SAMMSON: variants seen among roughly 807,000 people sequenced by gnomAD.
SAMMSON encodes long intergenic non-protein coding RNA 1212.
intron 7 of SAMMSON, among the ~76,000 whole-genome samples, chr3:70,295,361 G>A (rs1322730675): frequency 6.6e-6 from 1 of 152,126 alleles, no homozygotes; most frequent in East Asian, 1.9e-4. Flanking sequence ...AGGTATGTGT[G>A]ATTCCAAAAA....
At chr3:70,024,179 C>T (rs1198324090) in intron 3 of SAMMSON, among the ~76,000 whole-genome samples, 9 of 152,162 alleles carry the variant, frequency 5.9e-5, no homozygotes, top group Admixed American at 5.9e-4. Context: ...TCTCACATTT[C>T]TTTTATATTC....
At chr3:70,200,116 G>A (rs1355340232) in intron 4 of SAMMSON, among the ~76,000 whole-genome samples, 2 of 151,970 alleles carry the variant, frequency 1.3e-5, no homozygotes, top group Non-Finnish European at 2.9e-5. Flanking sequence ...CCTCAAATTC[G>A]TATTCGAAAT....
chr3:70,265,258 G>C (rs1488838847), intron 6 of SAMMSON, among the ~76,000 whole-genome samples: 1 of 152,146 alleles, frequency 6.6e-6, no homozygotes, highest in Non-Finnish European at 1.5e-5. Flanking sequence ...TGAGATATAG[G>C]GGATTGAAAG....
chr3:70,121,860 A>C (rs1257540378), intron 4 of SAMMSON, among the ~76,000 whole-genome samples: 1 of 151,982 alleles, frequency 6.6e-6, no homozygotes, highest in Admixed American at 6.6e-5. Flanking sequence ...GCATTCTCCC[A>C]TTTGAAAGTG....
chr3:70,014,635 A>C (rs2107578331), intron 3 of SAMMSON: 1 of 152,318 alleles, frequency 6.6e-6, no homozygotes, highest in East Asian at 1.9e-4. Context: ...ATGGAATTTC[A>C]AAAGGGGCCA....
intron 3 of SAMMSON, among the ~76,000 whole-genome samples, chr3:70,041,074 C>A (rs2067104683): frequency 6.6e-6 from 1 of 152,064 alleles, no homozygotes; most frequent in Admixed American, 6.6e-5. Flanking sequence ...AAAAGTAAGG[C>A]TCAGTTTTGG....
intron 6 of SAMMSON, among the ~76,000 whole-genome samples, chr3:70,272,842 T>G (rs891664076): frequency 5.3e-5 from 8 of 152,170 alleles, no homozygotes; most frequent in African/African-American, 1.9e-4. Context: ...GGCAAGACTT[T>G]GGGAAGGAAG....
At chr3:70,400,535 C>A (rs1479029099) in intron 2 of SAMMSON, among the ~76,000 whole-genome samples, 3 of 152,172 alleles carry the variant, frequency 2.0e-5, no homozygotes, top group Non-Finnish European at 4.4e-5. Flanking sequence ...TGTGAACCAT[C>A]CAGAATCATG....
intron 7 of SAMMSON, among the ~76,000 whole-genome samples, chr3:70,335,038 T>C (rs1358213682): frequency 1.5e-5 from 2 of 136,708 alleles, no homozygotes; most frequent in African/African-American, 2.7e-5. Context: ...ATCGCAACCC[T>C]CACCCATAAA....
At chr3:70,394,421 C>T (rs1053808727), downstream of SAMMSON, among the ~76,000 whole-genome samples, 1 of 152,058 alleles carries the variant, frequency 6.6e-6, no homozygotes, top group Non-Finnish European at 1.5e-5. Flanking sequence ...TCCCTATATG[C>T]ACTTACTGAC....
chr3:70,207,100 C>A (rs1701298875), intron 4 of SAMMSON, among the ~76,000 whole-genome samples: 1 of 149,308 alleles, frequency 6.7e-6, no homozygotes, highest in East Asian at 2.0e-4. Flanking sequence ...TCAACAAAAT[C>A]TCATAGTACA....
At chr3:70,273,270 T>C (rs1025716517) in intron 6 of SAMMSON, among the ~76,000 whole-genome samples, 5 of 152,216 alleles carry the variant, frequency 3.3e-5, no homozygotes, top group Non-Finnish European at 5.9e-5. Flanking sequence ...GTTCATTAAA[T>C]CTTAGTCGAC....
intron 7 of SAMMSON, chr3:70,311,860 A>G: frequency 2.5e-6 from 1 of 397,568 alleles, no homozygotes; most frequent in Non-Finnish European, 4.4e-6. Context: ...TCACACCAAT[A>G]GAAAATCAAG....
At chr3:70,124,011 G>A (rs1046765177) in intron 4 of SAMMSON, among the ~76,000 whole-genome samples, 3 of 152,190 alleles carry the variant, frequency 2.0e-5, no homozygotes, top group Non-Finnish European at 2.9e-5. Context: ...GCGGATGCCC[G>A]GAAGACAGAT....
intron 4 of SAMMSON, among the ~76,000 whole-genome samples, chr3:70,196,436 T>C (rs1463462263): frequency 2.6e-5 from 4 of 152,204 alleles, no homozygotes; most frequent in African/African-American, 9.6e-5. Context: ...AAATAAATTT[T>C]TAATTACAAA....
chr3:70,107,654 C>T (rs2067371881), intron 4 of SAMMSON, among the ~76,000 whole-genome samples: 1 of 149,426 alleles, frequency 6.7e-6, no homozygotes, highest in Non-Finnish European at 1.5e-5. Context: ...ACATTTTAAT[C>T]CTTCTCAAAT....
At chr3:70,362,223 C>G (rs1283365449) in intron 9 of SAMMSON, among the ~76,000 whole-genome samples, 1 of 152,080 alleles carries the variant, frequency 6.6e-6, no homozygotes, top group Non-Finnish European at 1.5e-5. Context: ...TTGTATCAAA[C>G]ATTTAAAAAG....
intron 2 of SAMMSON, among the ~76,000 whole-genome samples, chr3:70,413,947 G>A (rs1237503450): frequency 6.6e-6 from 1 of 151,970 alleles, no homozygotes; most frequent in Non-Finnish European, 1.5e-5. Context: ...TTGTTTTCTA[G>A]CTAGTCCTTT....
At chr3:70,413,129 G>A (rs914262983) in intron 2 of SAMMSON, among the ~76,000 whole-genome samples, 1 of 152,078 alleles carries the variant, frequency 6.6e-6, no homozygotes, top group Non-Finnish European at 1.5e-5. Flanking sequence ...AACAAGTGAA[G>A]GAAATGTCAA....
Sources: allele counts gnomAD v4.1 joint callset (sites outside exome capture counted in the v4.1 genomes callset), GRCh38; gene constraint gnomAD v4.1.1; transcripts MANE v1.5; gene names NCBI Gene and HGNC (gene_info 2026-07-23, HGNC 2026-07-21).